The following GRIP1 variants were observed in gnomAD, a reference collection of about 807,000 sequenced individuals.
GRIP1 encodes the protein glutamate receptor interacting protein 1, also known as glutamate receptor-interacting protein 1.
A neutral mutation model predicts 129.9 loss-of-function variants in GRIP1; 45 were observed. That is an observed-to-expected ratio of 0.35 (90% CI 0.27 to 0.44). The LOEUF is 0.44. Among genes scored for constraint, GRIP1 ranks in the 20% least tolerant of loss-of-function variants. The probability of loss-of-function intolerance (pLI) is 1.00; values close to 1 mark genes in which losing one functional copy is unlikely to be tolerated. For synonymous variants in GRIP1, 530 were observed against 520.8 expected (o/e 1.02, Z -0.24); for missense variants, 1,196 against 1,396.8 (o/e 0.86, Z 2.29).
chr12:66,775,593 G>A (rs896913265), intron 1 of GRIP1, among the ~76,000 whole-genome samples: 2 of 152,078 alleles, frequency 1.3e-5, no homozygotes, highest in Non-Finnish European at 2.9e-5. Flanking sequence ...CACTTCATCT[G>A]TGGCCTATTT....
chr12:66,849,661 C>G (rs1356661581), intron 1 of GRIP1, among the ~76,000 whole-genome samples: 1 of 152,090 alleles, frequency 6.6e-6, no homozygotes. Context: ...TCCTTCCTCA[C>G]CCCCACCTCA....
intron 15 of GRIP1, among the ~76,000 whole-genome samples, chr12:66,413,179 C>G (rs2057463402): frequency 6.6e-6 from 1 of 152,186 alleles, no homozygotes; most frequent in Non-Finnish European, 1.5e-5. Context: ...CCACATGACA[C>G]TTACTCTAAA....
upstream of GRIP1, among the ~76,000 whole-genome samples, chr12:66,804,971 A>G (rs1319599214): frequency 6.6e-6 from 1 of 152,210 alleles, no homozygotes; most frequent in African/African-American, 2.4e-5. Context: ...GCATTAATGT[A>G]TTCCAATCAC....
intron 14 of GRIP1, among the ~76,000 whole-genome samples, chr12:66,429,821 T>C (rs903883782): frequency 2.0e-5 from 3 of 152,346 alleles, no homozygotes; most frequent in Admixed American, 1.3e-4. Flanking sequence ...ATTTTACATA[T>C]AGTAATTCAT....
intron 1 of GRIP1, among the ~76,000 whole-genome samples, chr12:66,735,746 G>A (rs2136523873): frequency 6.6e-6 from 1 of 152,152 alleles, no homozygotes; most frequent in East Asian, 1.9e-4. Flanking sequence ...AAATAAGCAG[G>A]GCAATCGATC....
At chr12:66,372,409 AC>A (rs2137301891) in intron 22 of GRIP1, 1 of 228,370 alleles carries the variant, frequency 4.4e-6, no homozygotes, top group Non-Finnish European at 8.8e-6. Flanking sequence ...GAAAGGGATG[AC>A]TGATATAAAG....
chr12:66,929,597 C>T (rs912150981), intron 1 of GRIP1, among the ~76,000 whole-genome samples: 8 of 152,174 alleles, frequency 5.3e-5, no homozygotes, highest in Non-Finnish European at 1.2e-4. Context: ...TCTCTCCGTC[C>T]TGATCCAACC....
chr12:66,383,809 T>G (rs1487387237), intron 19 of GRIP1, among the ~76,000 whole-genome samples: 1 of 152,184 alleles, frequency 6.6e-6, no homozygotes, highest in Non-Finnish European at 1.5e-5. Flanking sequence ...AAACTATACT[T>G]CTTAGCTTCT....
At chr12:66,842,893 C>T (rs533503497) in intron 1 of GRIP1, among the ~76,000 whole-genome samples, 5 of 152,230 alleles carry the variant, frequency 3.3e-5, no homozygotes, top group South Asian at 2.1e-4. Context: ...CAGCTGCTTA[C>T]GTTTTTAGGA....
At chr12:66,747,054 TA>T (rs1363419495) in intron 1 of GRIP1, among the ~76,000 whole-genome samples, 4 of 152,100 alleles carry the variant, frequency 2.6e-5, no homozygotes, top group African/African-American at 7.2e-5. Context: ...CATATTATGA[TA>T]AAAATAGAGC....
intron 19 of GRIP1, among the ~76,000 whole-genome samples, chr12:66,380,183 T>A (rs1230649342): frequency 1.3e-5 from 2 of 152,168 alleles, no homozygotes; most frequent in African/African-American, 2.4e-5. Context: ...GTGCTGTGAT[T>A]ACAGGTGTGA....
chr12:66,434,620 T>C (rs933125907), intron 13 of GRIP1, among the ~76,000 whole-genome samples: 14 of 152,238 alleles, frequency 9.2e-5, no homozygotes, highest in African/African-American at 3.4e-4. Context: ...CTTCAGGAGC[T>C]GCAAATGTCA....
intron 4 of GRIP1, 105 bp from the exon 5 acceptor site, chr12:66,530,019 T>A (rs2061391203): frequency 4.0e-6 from 3 of 749,100 alleles, no homozygotes; most frequent in East Asian, 2.5e-5. Context: ...TGCAAATAAG[T>A]TTTGAGTAAT....
At chr12:66,521,044 G>C (rs2060986189) in intron 5 of GRIP1, among the ~76,000 whole-genome samples, 1 of 152,130 alleles carries the variant, frequency 6.6e-6, no homozygotes, top group Admixed American at 6.5e-5. Flanking sequence ...GGGCTCTGTT[G>C]CTCCACCTAA....
At chr12:66,691,476 T>C (rs2034980039) in intron 1 of GRIP1, among the ~76,000 whole-genome samples, 1 of 152,192 alleles carries the variant, frequency 6.6e-6, no homozygotes, top group Non-Finnish European at 1.5e-5. Context: ...AAAATACATA[T>C]ACTTTTCCAA....
intron 1 of GRIP1, among the ~76,000 whole-genome samples, chr12:66,851,930 A>C (rs2039919496): frequency 1.3e-5 from 2 of 152,046 alleles, no homozygotes; most frequent in African/African-American, 4.8e-5. Flanking sequence ...TCAAAAGCCA[A>C]CCTGTCATGA....
intron 1 of GRIP1, among the ~76,000 whole-genome samples, chr12:66,755,827 A>G (rs1409182514): frequency 2.0e-5 from 3 of 152,160 alleles, no homozygotes; most frequent in African/African-American, 7.2e-5. Flanking sequence ...AGGGCAGATA[A>G]ATGCCCTCAC....
intron 23 of GRIP1, among the ~76,000 whole-genome samples, chr12:66,369,703 C>G (rs1359169356): frequency 1.3e-5 from 2 of 152,242 alleles, no homozygotes; most frequent in Middle Eastern, 6.8e-3. Context: ...GGGAACAGAA[C>G]TGCACAGAAG....
chr12:66,879,100 T>A (rs1180855746), intron 1 of GRIP1, among the ~76,000 whole-genome samples: 1 of 152,006 alleles, frequency 6.6e-6, no homozygotes, highest in Non-Finnish European at 1.5e-5. Flanking sequence ...TGTATATGAA[T>A]GATAAATACC....
Sources: gnomAD v4.1 joint callset for allele counts (sites outside exome capture counted in the v4.1 genomes callset) on GRCh38, gnomAD v4.1.1 for gene constraint, MANE v1.5 for transcripts, NCBI Gene and HGNC (gene_info 2026-07-23, HGNC 2026-07-21) for gene names.